TTC29: variants seen among roughly 807,000 people sequenced by gnomAD.
TTC29 encodes tetratricopeptide repeat protein 29.
TTC29 carries 49 observed loss-of-function variants against 58.1 expected under a neutral mutation model. That is an observed-to-expected ratio of 0.84 (90% CI 0.67 to 1.07). The LOEUF is 1.07. TTC29 is among the 50% of genes least tolerant of loss of function. The pLI is 0.00. For missense variants in TTC29, 582 were observed against 555.6 expected (o/e 1.05, Z -0.48); for synonymous variants, 209 against 196.8 (o/e 1.06, Z -0.52).
At chr4:146,909,436 G>A (rs1246585158) in intron 4 of TTC29, among the ~76,000 whole-genome samples, 187 bp from the exon 5 acceptor site, 1 of 152,064 alleles carries the variant, frequency 6.6e-6, no homozygotes, top group Non-Finnish European at 1.5e-5. Context: ...AATGAAAGAT[G>A]CCAGGAGCTA....
Position 146,764,960 on chromosome 4 carries a change from C to T in TTC29, c.1330+38497G>A, listed in dbSNP as rs75052532. 6.9e-3 allele frequency among the ~76,000 whole-genome samples: 1,053 copies of T among 152,152 alleles called. 11 individuals carry two copies. The highest frequency in any genetic ancestry group is 0.024 in the African/African-American group (983 of 41,526). On this transcript the variant is annotated intron_variant, in intron 11 of 12. Transcript: ENST00000325106. ...TCAGTTTGCTGATTTCATGATCTCA[C>T]GTTTCATGTACAGCCTTGTTAACTT...
At chr4:146,748,727 G>C (rs1195068204) in intron 11 of TTC29, among the ~76,000 whole-genome samples, 1 of 151,184 alleles carries the variant, frequency 6.6e-6, no homozygotes, top group African/African-American at 2.4e-5. Context: ...CATTGTCTCA[G>C]GCCAATCTGC....
intron 11 of TTC29, among the ~76,000 whole-genome samples, chr4:146,739,623 A>C (rs1744972412): frequency 6.6e-6 from 1 of 152,208 alleles, no homozygotes; most frequent in Non-Finnish European, 1.5e-5. Flanking sequence ...GTCTAGAAAA[A>C]GACAACTGCA....
rs986157133 is a variant in TTC29, at chr4:146,863,116, C to T, written c.885+4382G>A. ...CAGCCTGGGTGACAGAGCCAGACTC[C>T]GCCTCAAAAAAAAAAAAAAAAAGAA... On this transcript the variant is annotated intron_variant, in intron 8 of 12. Transcript: ENST00000325106. Among the ~76,000 whole-genome samples the T allele has an allele frequency of 5.7e-4, 83 of 146,286 alleles. 1 individual carries two copies. The highest frequency in any genetic ancestry group is 4.0e-4 in the East Asian group (2 of 5,060).
At chr4:146,792,669 T>A (rs530883242) in intron 11 of TTC29, among the ~76,000 whole-genome samples, 102 of 152,332 alleles carry the variant, frequency 6.7e-4, no homozygotes, top group African/African-American at 2.4e-3. Context: ...TAAGAAATAC[T>A]TTGTACAGCT....
At chr4:146,760,618 C>T (rs1746811846) in intron 11 of TTC29, among the ~76,000 whole-genome samples, 1 of 151,314 alleles carries the variant, frequency 6.6e-6, no homozygotes, top group Non-Finnish European at 1.5e-5. Flanking sequence ...AATAGAGAAC[C>T]CAGAAATGAA....
At chr4:146,944,816 A>G (rs917112031) in intron 2 of TTC29, among the ~76,000 whole-genome samples, 1 of 151,818 alleles carries the variant, frequency 6.6e-6, no homozygotes, top group Non-Finnish European at 1.5e-5. Flanking sequence ...CCCTAAGTAA[A>G]AAAAAAAACA....
chr4:146,910,479 G>T (rs760489503), intron 4 of TTC29, among the ~76,000 whole-genome samples: 19 of 151,994 alleles, frequency 1.3e-4, no homozygotes, highest in Non-Finnish European at 2.2e-4. Flanking sequence ...ATCAACTTAG[G>T]TAGAGAACAA....
chr4:146,802,879 A>G (rs1750328908), intron 11 of TTC29, among the ~76,000 whole-genome samples: 1 of 152,218 alleles, frequency 6.6e-6, no homozygotes, highest in Non-Finnish European at 1.5e-5. Context: ...TAGTTGGCAC[A>G]TAATACTGAC....
intron 10 of TTC29, among the ~76,000 whole-genome samples, chr4:146,819,560 T>C (rs1277126677): frequency 1.3e-5 from 2 of 152,218 alleles, no homozygotes; most frequent in Non-Finnish European, 2.9e-5. Context: ...TACATTCTAC[T>C]AATAACAGCT....
At chr4:146,726,573 C>A (rs148879454) in intron 11 of TTC29, among the ~76,000 whole-genome samples, 1 of 152,098 alleles carries the variant, frequency 6.6e-6, no homozygotes, top group African/African-American at 2.4e-5. Flanking sequence ...TTTTTGACAC[C>A]TGTTATCTTG....
At chr4:146,761,871 C>T (rs921107718) in intron 11 of TTC29, among the ~76,000 whole-genome samples, 3 of 151,626 alleles carry the variant, frequency 2.0e-5, no homozygotes, top group Non-Finnish European at 4.4e-5. Context: ...ATTTGAGAAA[C>T]GTTGTAAGAA....
At chr4:146,825,396 A>G (rs1727717656) in intron 9 of TTC29, among the ~76,000 whole-genome samples, 1 of 152,176 alleles carries the variant, frequency 6.6e-6, no homozygotes, top group Non-Finnish European at 1.5e-5. Context: ...TTCAATTTCC[A>G]TGTAATTTTG....
intron 4 of TTC29, among the ~76,000 whole-genome samples, chr4:146,918,473 GA>G: frequency 6.6e-6 from 1 of 151,240 alleles, no homozygotes; most frequent in Non-Finnish European, 1.5e-5. Flanking sequence ...GAATGGGACA[GA>G]AATTATTTCA....
intron 11 of TTC29, among the ~76,000 whole-genome samples, chr4:146,757,346 C>G (rs1278537661): frequency 6.6e-6 from 1 of 152,118 alleles, no homozygotes; most frequent in South Asian, 2.1e-4. Flanking sequence ...TGGCTCCAGG[C>G]TGGTACTGGG....
intron 11 of TTC29, among the ~76,000 whole-genome samples, chr4:146,797,828 T>G (rs1312821367): frequency 3.0e-5 from 3 of 98,508 alleles, no homozygotes; most frequent in African/African-American, 4.1e-5. Context: ...CTGATTACTT[T>G]GTTTTATATA....
chr4:146,813,402 G>A (rs1245362872), intron 10 of TTC29, among the ~76,000 whole-genome samples: 1 of 152,174 alleles, frequency 6.6e-6, no homozygotes. Context: ...CGGAGGGTAG[G>A]ATGAGTGGTC....
chr4:146,895,307 A>T (rs528558055), intron 6 of TTC29, among the ~76,000 whole-genome samples: 2 of 152,258 alleles, frequency 1.3e-5, no homozygotes, highest in South Asian at 4.1e-4. Context: ...CAGGGAGCTC[A>T]CTTTTTGAGT....
chr4:146,789,959 G>A (rs1749307388), intron 11 of TTC29, among the ~76,000 whole-genome samples: 1 of 151,900 alleles, frequency 6.6e-6, no homozygotes, highest in South Asian at 2.1e-4. Flanking sequence ...AAATTAACTG[G>A]CTTCCCCTCA....
Sources: gnomAD v4.1 joint callset for allele counts (sites outside exome capture counted in the v4.1 genomes callset) on GRCh38, gnomAD v4.1.1 for gene constraint, MANE v1.5 for transcripts, NCBI Gene and HGNC (gene_info 2026-07-23, HGNC 2026-07-21) for gene names.